Variants in IMMP2L observed in about 807,000 individuals in gnomAD.
IMMP2L encodes mitochondrial inner membrane protease subunit 2.
Under a neutral mutation model 19.3 loss-of-function variants are expected in IMMP2L, and 18 were observed. The observed-to-expected ratio is 0.93, with a 90% CI of 0.64 to 1.38. The LOEUF (loss-of-function observed/expected upper bound fraction) is 1.38, where lower values mean the gene tolerates loss of function less well. Ranked by LOEUF, IMMP2L falls within the 40% of genes most tolerant of loss-of-function variation. The pLI, the probability that IMMP2L is intolerant of heterozygous loss-of-function variation, is 0.00. For missense variants in IMMP2L, 233 were observed against 218.2 expected (o/e 1.07, Z -0.43); for synonymous variants, 76 against 73.0 (o/e 1.04, Z -0.21).
chr7:111,220,938 T>C (rs548515728), intron 3 of IMMP2L, among the ~76,000 whole-genome samples: 89 of 152,128 alleles, frequency 5.9e-4, no homozygotes, highest in African/African-American at 1.4e-3. Flanking sequence ...AGGCCCTCAA[T>C]AGATTGGATG....
At chr7:111,057,472 A>T (rs905771363) in intron 3 of IMMP2L, among the ~76,000 whole-genome samples, 2 of 152,220 alleles carry the variant, frequency 1.3e-5, no homozygotes, top group East Asian at 1.9e-4. Flanking sequence ...AGAATTTTTT[A>T]AAATAACATG....
At chr7:111,042,427 C>A (rs902734757) in intron 3 of IMMP2L, among the ~76,000 whole-genome samples, 1 of 152,160 alleles carries the variant, frequency 6.6e-6, no homozygotes, top group Non-Finnish European at 1.5e-5. Flanking sequence ...GAGATCCACC[C>A]GCCTCAGCCT....
At chr7:111,186,245 C>CACAG (rs57919426) in intron 3 of IMMP2L, among the ~76,000 whole-genome samples, 125,223 of 151,578 alleles carry the variant, frequency 0.83, 52,722 homozygotes, top group East Asian at 0.9. Flanking sequence ...GGAAAGACTG[C>CACAG]ACAGACAGAC....
At chr7:111,375,863 A>C (rs959719477) in intron 3 of IMMP2L, among the ~76,000 whole-genome samples, 1 of 152,102 alleles carries the variant, frequency 6.6e-6, no homozygotes, top group African/African-American at 2.4e-5. Context: ...GTGAAATTTA[A>C]GTCTTTGTCT....
At chr7:110,765,816 T>G (rs1798621255) in intron 5 of IMMP2L, among the ~76,000 whole-genome samples, 1 of 152,222 alleles carries the variant, frequency 6.6e-6, no homozygotes, top group Non-Finnish European at 1.5e-5. Flanking sequence ...GCCATCTATT[T>G]ATTAAATAGA....
intron 1 of IMMP2L, among the ~76,000 whole-genome samples, chr7:111,521,697 C>T (rs1334034415): frequency 6.6e-6 from 1 of 152,062 alleles, no homozygotes; most frequent in Non-Finnish European, 1.5e-5. Context: ...GAAATTTCTC[C>T]CCACAAAACA....
chr7:111,338,627 G>T (rs1398461306), intron 3 of IMMP2L, among the ~76,000 whole-genome samples: 1 of 152,068 alleles, frequency 6.6e-6, no homozygotes, highest in South Asian at 2.1e-4. Context: ...AATAAAAATT[G>T]TTGATCCTTA....
Position 111,087,911 on chromosome 7 carries a change from A to G in IMMP2L, c.240-124346T>C, listed in dbSNP as rs141746081. On this transcript the variant is annotated intron_variant, in intron 3 of 5. Coordinates refer to ENST00000405709, the MANE Select transcript of IMMP2L (RefSeq NM_032549.4). Reference sequence around the variant, plus strand: ...CAGCACTTTTCTAAACCCGGTATACATATTAACTGTTTTAATGTTCATAAC... The same window carrying G: ...CAGCACTTTTCTAAACCCGGTATACGTATTAACTGTTTTAATGTTCATAAC... 2.6e-5 allele frequency among the ~76,000 whole-genome samples: 4 copies of G among 152,308 alleles called. No homozygotes were observed. In the East Asian group the frequency reaches 7.7e-4, roughly 29 times the overall value.
intron 5 of IMMP2L, among the ~76,000 whole-genome samples, chr7:110,817,233 C>A (rs1802605172): frequency 6.6e-6 from 1 of 152,084 alleles, no homozygotes; most frequent in Non-Finnish European, 1.5e-5. Context: ...AGCCCAAAAT[C>A]TCCTTAAGCT....
At chr7:110,790,976 C>T (rs1270520210) in intron 5 of IMMP2L, among the ~76,000 whole-genome samples, 1 of 151,450 alleles carries the variant, frequency 6.6e-6, no homozygotes, top group Non-Finnish European at 1.5e-5. Flanking sequence ...AACTGGGCAC[C>T]CTGAAAACTG....
chr7:111,083,417 T>C (rs1796048592), intron 3 of IMMP2L, among the ~76,000 whole-genome samples: 1 of 152,174 alleles, frequency 6.6e-6, no homozygotes, highest in Non-Finnish European at 1.5e-5. Flanking sequence ...ACATGAGGTA[T>C]AGCTAAATTG....
At chr7:110,674,659 T>C (rs1177626155) in intron 5 of IMMP2L, among the ~76,000 whole-genome samples, 4 of 152,194 alleles carry the variant, frequency 2.6e-5, no homozygotes, top group African/African-American at 7.2e-5. Context: ...ACTGAAACAA[T>C]ATCCAAAATT....
chr7:110,845,461 C>T (rs1417890950), intron 5 of IMMP2L, among the ~76,000 whole-genome samples: 2 of 152,082 alleles, frequency 1.3e-5, no homozygotes, highest in Non-Finnish European at 2.9e-5. Flanking sequence ...AATCTCCTGA[C>T]TGTTAATGAC....
At chr7:111,544,256 G>T (rs1463430047) in intron 1 of IMMP2L, among the ~76,000 whole-genome samples, 1 of 151,772 alleles carries the variant, frequency 6.6e-6, no homozygotes, top group East Asian at 1.9e-4. Context: ...GTGGGGTGGG[G>T]GGATGGGGTG....
chr7:111,465,048 G>C (rs1471998203), intron 3 of IMMP2L, among the ~76,000 whole-genome samples: 1 of 151,944 alleles, frequency 6.6e-6, no homozygotes, highest in East Asian at 1.9e-4. Context: ...ACCCGCCTTG[G>C]CCTCCCAAAG....
At chr7:110,852,010 G>A in intron 5 of IMMP2L, among the ~76,000 whole-genome samples, 1 of 152,060 alleles carries the variant, frequency 6.6e-6, no homozygotes, top group East Asian at 1.9e-4. Flanking sequence ...CTGCATGACT[G>A]CTGAGGCTGT....
intron 3 of IMMP2L, among the ~76,000 whole-genome samples, chr7:111,323,106 A>C (rs1414625343): frequency 2.0e-5 from 3 of 151,970 alleles, no homozygotes; most frequent in African/African-American, 7.2e-5. Flanking sequence ...AAGACTGACA[A>C]CAGAAAACAA....
At chr7:110,991,501 C>T (rs1428357634) in intron 3 of IMMP2L, among the ~76,000 whole-genome samples, 1 of 152,036 alleles carries the variant, frequency 6.6e-6, no homozygotes, top group Non-Finnish European at 1.5e-5. Context: ...TTTGTCACTC[C>T]ATGGTAACAT....
At chr7:110,830,966 T>G (rs1803923139) in intron 5 of IMMP2L, among the ~76,000 whole-genome samples, 1 of 152,116 alleles carries the variant, frequency 6.6e-6, no homozygotes, top group African/African-American at 2.4e-5. Flanking sequence ...AGGTCAGAAG[T>G]CAGAACTGGC....
Sources: gnomAD v4.1 joint callset for allele counts (sites outside exome capture counted in the v4.1 genomes callset) on GRCh38, gnomAD v4.1.1 for gene constraint, MANE v1.5 for transcripts, NCBI Gene and HGNC (gene_info 2026-07-23, HGNC 2026-07-21) for gene names.